The following MYO1C variants were observed in gnomAD, a reference collection of about 807,000 sequenced individuals.
MYO1C encodes the protein myosin IC.
In MYO1C, 104 loss-of-function variants were observed where a neutral mutation model predicts 150.8. The observed-to-expected ratio is 0.69, with a 90% CI of 0.59 to 0.81. The LOEUF is 0.81. MYO1C is among the 30% of genes least tolerant of loss of function. MYO1C has a pLI of 0.00. For synonymous variants in MYO1C, 663 were observed against 579.9 expected (o/e 1.14, Z -2.06); for missense variants, 1,504 against 1,435.0 (o/e 1.05, Z -0.78).
chr17:1,482,262 G>T (rs539401695), intron 5 of MYO1C, among the ~76,000 whole-genome samples: 1 of 151,818 alleles, frequency 6.6e-6, no homozygotes, highest in Non-Finnish European at 1.5e-5. Context: ...ACCCTAATAC[G>T]ACCGCACCTG....
At position 1,478,262 on chromosome 17, in the gene MYO1C, C is replaced by G. The variant is rs532985838; in HGVS notation, c.1296-70G>C. Reference sequence around the variant, plus strand: ...GGACCAGGAGAGGGGAAAAGCTGGACGACGCCCCTGAGCACAGGAGGTGAG... The same window carrying G: ...GGACCAGGAGAGGGGAAAAGCTGGAGGACGCCCCTGAGCACAGGAGGTGAG... On this transcript the variant is annotated intron_variant, in intron 11 of 31. Coordinates refer to ENST00000648651, the MANE Select transcript of MYO1C (RefSeq NM_001080779.2). This position sits in a 1 kb window ranked among gnomAD's most constrained non-coding sequence, Gnocchi z 6.3. 1.3e-5 allele frequency: 20 copies of G among 1,568,326 alleles called. No homozygotes were observed. Among genetic ancestry groups the G allele is most frequent in the African/African-American group, 5.4e-5 (4 of 74,088 alleles).
Position 1,476,931 on chromosome 17 carries a change from C to T in MYO1C, c.1574+574G>A, listed in dbSNP as rs139368461. Among the ~76,000 whole-genome samples, 1,023 of 151,930 alleles carry T rather than the reference C, an allele frequency of 6.7e-3. 10 individuals are homozygous for T. The highest frequency in any genetic ancestry group is 0.023 in the African/African-American group (959 of 41,446). On this transcript the variant is annotated intron_variant, in intron 14 of 31. Transcript: ENST00000648651. ...TCGGCTCACTGCAACCTGCACCTCC[C>T]GGGTTCGAGCGATTCTCCCGCCTCA...
In MYO1C at chr17:1,470,650, C is replaced by T. The variant is rs762768584; in HGVS notation, c.2252G>A (p.Arg751Gln). The change falls in exon 22 of 32, where the codon CGG (arginine) becomes CAG (glutamine). Residue 751 changes from arginine (R) to glutamine (Q), a missense_variant. Transcript: ENST00000648651. ...TCTCTTCACCCGGAGGAATTTCTGC[C>T]GCCAGTGAAAGCCCCTCCAGGCAGC... Reference protein sequence around the residue: ...IQAAWRGFHWRQKFLRVKRSA... With the variant: ...IQAAWRGFHWQQKFLRVKRSA... 29 of 1,610,906 alleles carry T rather than the reference C, an allele frequency of 1.8e-5. No individual in the cohort carries two copies. Among genetic ancestry groups the T allele is most frequent in the South Asian group, 7.7e-5 (7 of 90,920 alleles).
intron 1 of MYO1C, chr17:1,491,588 C>G (rs1164044829): frequency 1.3e-5 from 13 of 980,536 alleles, no homozygotes; most frequent in South Asian, 4.7e-5. Flanking sequence ...TCCCCGCGCC[C>G]CGAGTACCCA....
rs766957408 is a variant in MYO1C at position 1,480,771 on chromosome 17, C to T, written c.742G>A (p.Glu248Lys). The T allele has an allele frequency of 1.2e-5, 20 of 1,614,138 alleles. No individual in the cohort carries two copies. The highest frequency in any genetic ancestry group is 8.3e-5 in the Admixed American group (5 of 60,018). ...HIFYQLLEGGEEETLRRLGLE... is the reference protein window; with the variant it reads ...HIFYQLLEGGKEETLRRLGLE... ...CCCAGCCTGCGAAGAGTCTCCTCCTCGCCCCCCTCCAGCAGCTGGTAGAAG... is the reference window on the plus strand; with the variant it reads ...CCCAGCCTGCGAAGAGTCTCCTCCTTGCCCCCCTCCAGCAGCTGGTAGAAG... The change falls in exon 6 of 32, where the codon GAG becomes AAG. Residue 248 changes from glutamate to lysine, a missense_variant. Physicochemically the swap from Glu to Lys is moderately conservative, Grantham distance 56. Coordinates refer to ENST00000648651, the MANE Select transcript of MYO1C (RefSeq NM_001080779.2).
chr17:1,484,237 C>A lies in MYO1C; in HGVS notation c.142G>T (p.Val48Leu), dbSNP rs137888054. ...SALTARDRVG[V>L]QDFVLLENFT... The stretch of plus-strand genomic sequence containing the variant: ...TTCTCCAGCAGCACGAAATCCTGCA[C>A]CCCCACCCGGTCACGGGCGGTGAGC... Residue 48 changes from valine to leucine, a missense_variant, in exon 2 of 32, where the codon GTG becomes TTG. Val to Leu is a conservative substitution (Grantham distance 32). Transcript: ENST00000648651. The A allele has an allele frequency of 1.2e-6, 2 of 1,612,728 alleles. No homozygotes were observed. The highest frequency in any genetic ancestry group is 1.7e-6 in the Non-Finnish European group (2 of 1,180,006).
intron 1 of MYO1C, chr17:1,486,039 C>G (rs1049389586): frequency 1.3e-5 from 2 of 153,006 alleles, no homozygotes; most frequent in African/African-American, 4.8e-5. Flanking sequence ...CGCGTCTACA[C>G]CGACCCGGAA....
chr17:1,464,613 C>A lies in MYO1C; in HGVS notation c.*1113G>T, dbSNP rs981255418. On this transcript the variant is annotated 3_prime_UTR_variant, in exon 32 of 32. Transcript: ENST00000648651. ...GGCAGTGAGGCACGCTGAGGAAGGG[C>A]TGCCATCTTGGTTTTGTGGCAACCT... 6.5e-6 allele frequency: 1 copy of A among 152,764 alleles called. No homozygotes were observed. Among genetic ancestry groups the A allele is most frequent in the Non-Finnish European group, 1.5e-5 (1 of 68,144 alleles). 9.5% of individuals were successfully genotyped at this position (152,764 alleles called of 1,614,324 possible). A position where few individuals can be genotyped will look rare whatever the true frequency, so the allele number is the denominator to read the frequency against.
intron 5 of MYO1C, among the ~76,000 whole-genome samples, chr17:1,481,650 A>G (rs2074523475): frequency 1.3e-5 from 2 of 150,720 alleles, no homozygotes; most frequent in Non-Finnish European, 3.0e-5. Flanking sequence ...ACAGGCACAC[A>G]CCACCGTGCC....
At chr17:1,471,826 A>T (rs1295168653) in intron 19 of MYO1C, 81 bp downstream of exon 19, 2 of 1,440,528 alleles carry the variant, frequency 1.4e-6, no homozygotes, top group East Asian at 2.3e-5. Flanking sequence ...GGGGCCGAGA[A>T]CCCTTGTCTG....
intron 19 of MYO1C, among the ~76,000 whole-genome samples, 159 bp downstream of exon 19, chr17:1,471,748 T>G (rs553403256): frequency 3.4e-4 from 52 of 151,890 alleles, no homozygotes; most frequent in Non-Finnish European, 6.5e-4. Flanking sequence ...CAGCCTGATG[T>G]CAGGACCGCA....
In MYO1C at chr17:1,470,302, G is replaced by T. The variant is rs774419447; in HGVS notation, c.2399C>A (p.Pro800His). Residue 800 changes from proline (P) to histidine (H), a missense_variant, in exon 24 of 32, where the codon CCC becomes CAC. By Grantham distance (77) the Pro-to-His change is moderately conservative (BLOSUM62 -2). Coordinates refer to ENST00000648651, the MANE Select transcript of MYO1C (RefSeq NM_001080779.2). ...LIRGFVLRHA[P>H]RCPENAFFLD... ...GAAGAAGGCGTTCTCGGGGCAGCGGGGGGCGTGGCGCAGGACGAAGCCTCG... is the reference window on the plus strand; with the variant it reads ...GAAGAAGGCGTTCTCGGGGCAGCGGTGGGCGTGGCGCAGGACGAAGCCTCG... 3.8e-6 allele frequency: 6 copies of T among 1,573,202 alleles called. No homozygotes were observed. The highest frequency in any genetic ancestry group is 3.4e-6 in the Non-Finnish European group (4 of 1,159,770).
Position 1,474,852 on chromosome 17 carries a change from AG to A in MYO1C, c.1675del (p.Leu559TrpfsTer24), listed in dbSNP as rs774001807. The A allele has an allele frequency of 6.2e-7, 1 of 1,613,262 alleles. No homozygotes were observed. Among genetic ancestry groups the A allele is most frequent in the Non-Finnish European group, 8.5e-7 (1 of 1,179,910 alleles). On this transcript the variant is annotated frameshift_variant, in exon 16 of 32. Transcript: ENST00000648651. LOFTEE classifies it high-confidence loss of function. ...GAAGAGAAGGTCATTGTTTTTGTCC[AG>A]AAACCCTGGGAGGGGAGAACCGACG... is the stretch of plus-strand genomic sequence containing the variant. ...GEVTYSVTGFLDKNNDLLFRN... is the reference protein window; with the variant it reads ...GEVTYSVTGFXDKNNDLLFRN...
chr17:1,474,568 C>T, intron 17 of MYO1C, 42 bp downstream of exon 17: 1 of 1,596,992 alleles, frequency 6.3e-7, no homozygotes, highest in Non-Finnish European at 8.6e-7. Flanking sequence ...CATGCACACT[C>T]AGGCGCATGC....
In MYO1C at chr17:1,467,859, C is replaced by A; in HGVS notation, c.2948G>T (p.Arg983Leu). 1.2e-6 allele frequency: 2 copies of A among 1,608,282 alleles called. No individual in the cohort carries two copies. Among genetic ancestry groups the A allele is most frequent in the Middle Eastern group, 1.7e-4 (1 of 6,052 alleles). Residue 983 changes from arginine to leucine, a missense_variant, in exon 29 of 32, where the codon CGT becomes CTT. Physicochemically the swap from Arg to Leu is moderately radical, Grantham distance 102 (BLOSUM62 -2). Coordinates refer to ENST00000648651, the MANE Select transcript of MYO1C (RefSeq NM_001080779.2). ...AGGCACCTTTTGCTTATTGTCCGCA[C>A]GCTGTACATGAAGCACAAAAAGACT... is the stretch of plus-strand genomic sequence containing the variant. ...SDSLFVLHVQ[R>L]ADNKQKGDVV... is the part of the protein sequence containing the mutation.
intron 1 of MYO1C, chr17:1,491,338 GC>G (rs1275261524): frequency 6.5e-6 from 1 of 153,092 alleles, no homozygotes. Context: ...GGCCCGAAGG[GC>G]GCGCAGGGTC....
intron 1 of MYO1C, chr17:1,485,430 TC>T: frequency 1.1e-6 from 1 of 900,476 alleles, no homozygotes; most frequent in Non-Finnish European, 1.4e-6. Flanking sequence ...GGCTGCCAAA[TC>T]CGGCCGCGGT....
chr17:1,485,266 T>G, intron 1 of MYO1C: 1 of 1,158,120 alleles, frequency 8.6e-7, no homozygotes, highest in Non-Finnish European at 1.1e-6. Context: ...ACCCAGAGTA[T>G]CCAGGGTCAG....
chr17:1,484,843 C>T (rs986704023), intron 1 of MYO1C, among the ~76,000 whole-genome samples: 5 of 152,118 alleles, frequency 3.3e-5, no homozygotes, highest in African/African-American at 1.2e-4. Flanking sequence ...GGCTCAGGGT[C>T]AATTCTGCAG....
Sources: gnomAD v4.1 joint callset for allele counts (sites outside exome capture counted in the v4.1 genomes callset) on GRCh38, gnomAD v4.1.1 for gene constraint, Gnocchi (gnomAD v3.1) non-coding constraint, MANE v1.5 for transcripts, NCBI Gene and HGNC (gene_info 2026-07-23, HGNC 2026-07-21) for gene names.